TMEM67: variants seen among roughly 807,000 people sequenced by gnomAD.
The protein encoded by TMEM67 is transmembrane protein 67, also known as meckelin.
Under a neutral mutation model 136.6 loss-of-function variants are expected in TMEM67, and 124 were observed. The observed-to-expected ratio is 0.91, with a 90% CI of 0.78 to 1.05. TMEM67 has a LOEUF of 1.05. TMEM67 is among the 50% of genes least tolerant of loss of function. The pLI is 0.00. For synonymous variants in TMEM67, 364 were observed against 390.5 expected (o/e 0.93, Z 0.80); for missense variants, 1,107 against 1,178.4 (o/e 0.94, Z 0.89).
At chr8:93,763,169 A>C (rs1345219095) in intron 3 of TMEM67, 1 of 207,174 alleles carries the variant, frequency 4.8e-6, no homozygotes, top group Non-Finnish European at 1.0e-5. Flanking sequence ...GCCTCATGTG[A>C]TCCACCCACC....
chr8:93,804,546 T>G (rs1815036452), intron 22 of TMEM67, among the ~76,000 whole-genome samples: 1 of 148,394 alleles, frequency 6.7e-6, no homozygotes, highest in South Asian at 2.2e-4. Context: ...GTTTCTCCCT[T>G]TCTTGGAAAA....
In TMEM67 at chr8:93,754,989, C is replaced by G. The variant is rs371462532; in HGVS notation, c.75C>G (p.Phe25Leu). 7 of 1,614,202 alleles carry G rather than the reference C, an allele frequency of 4.3e-6. No homozygotes were observed. In the African/African-American group the frequency reaches 6.7e-5, roughly 15 times the overall value. Residue 25 changes from phenylalanine to leucine, a missense_variant, in exon 1 of 28, where the codon TTC (phenylalanine) becomes TTG (leucine). Around this residue, in one of 3 missense-constraint regions of TMEM67, gnomAD observed 178 missense variants for 159.2 expected, o/e 1.12. Transcript: ENST00000453321. Reference protein sequence around the residue: ...SLLSARAVTAFLLLFLPRFLQ... With the variant: ...SLLSARAVTALLLLFLPRFLQ... Reference sequence around the variant, plus strand: ...TATCCGCCCGGGCCGTGACCGCGTTCCTTCTGTTGTTCCTCCCTCGCTTCT... The same window carrying G: ...TATCCGCCCGGGCCGTGACCGCGTTGCTTCTGTTGTTCCTCCCTCGCTTCT...
chr8:93,789,451 G>C (rs1814269299), intron 14 of TMEM67, among the ~76,000 whole-genome samples: 1 of 151,892 alleles, frequency 6.6e-6, no homozygotes. Context: ...TTTATTTTCA[G>C]CTTGACCAAC....
chr8:93,796,014 ATT>A, intron 18 of TMEM67, 27 bp downstream of exon 18: 1 of 1,436,176 alleles, frequency 7.0e-7, no homozygotes, highest in South Asian at 1.1e-5. Context: ...AGGTTACCAA[ATT>A]TAAAAGGCCT....
At chr8:93,820,873 C>T (rs1809031763), downstream of TMEM67, among the ~76,000 whole-genome samples, 1 of 152,212 alleles carries the variant, frequency 6.6e-6, no homozygotes, top group African/African-American at 2.4e-5. Flanking sequence ...AATAGACAAA[C>T]TGCCTGCCAC....
chr8:93,805,429 A>G (rs888162937), intron 23 of TMEM67, among the ~76,000 whole-genome samples: 7 of 152,146 alleles, frequency 4.6e-5, no homozygotes, highest in African/African-American at 1.7e-4. Flanking sequence ...TAAAAATACA[A>G]AAAAATTAGC....
intron 3 of TMEM67, chr8:93,759,912 G>A: frequency 6.8e-7 from 1 of 1,467,104 alleles, no homozygotes; most frequent in Non-Finnish European, 9.3e-7. Context: ...GCCTCCCAAA[G>A]TGCTGGGATA....
chr8:93,791,217 A>C, intron 14 of TMEM67, 46 bp from the exon 15 acceptor site: 1 of 1,251,584 alleles, frequency 8.0e-7, no homozygotes, highest in Non-Finnish European at 1.2e-6. Context: ...ATAAGTTTGT[A>C]TCATATAATT....
intron 15 of TMEM67, among the ~76,000 whole-genome samples, chr8:93,792,811 C>T (rs1814440874): frequency 2.0e-5 from 3 of 147,346 alleles, no homozygotes; most frequent in Admixed American, 1.4e-4. Flanking sequence ...CACTCTGTCG[C>T]CCAGGCTGGA....
rs763993769 is a variant in TMEM67 at position 93,780,996 on chromosome 8, A to G, written c.978+14A>G. The G allele has an allele frequency of 1.4e-6, 2 of 1,410,188 alleles. No individual in the cohort carries two copies. Among genetic ancestry groups the G allele is most frequent in the African/African-American group, 2.8e-5 (2 of 70,782 alleles). The allele number at this position is 1,410,188 out of a possible 1,614,324, so 87.4% of individuals were successfully genotyped here. On this transcript the variant is annotated intron_variant, in intron 9 of 27. Coordinates refer to ENST00000453321, the MANE Select transcript of TMEM67 (RefSeq NM_153704.6). The stretch of plus-strand genomic sequence containing the variant: ...GGAGAAAACCAGGTAAAAGTGTCTA[A>G]TATCATTAGAGGATAACTACATTTT...
At chr8:93,828,328 C>A in the TMEM67 span, among the ~76,000 whole-genome samples, 1 of 152,182 alleles carries the variant, frequency 6.6e-6, no homozygotes, top group Admixed American at 6.6e-5. Flanking sequence ...CCACCATCAT[C>A]ATCATCACCC....
chr8:93,763,970 T>C (rs754240866), intron 4 of TMEM67, 29 bp downstream of exon 4: 3 of 1,310,046 alleles, frequency 2.3e-6, no homozygotes, highest in Non-Finnish European at 3.3e-6. Context: ...GCTAACTTCA[T>C]TAATATCATC....
intron 22 of TMEM67, among the ~76,000 whole-genome samples, chr8:93,804,041 A>AT (rs112646842): frequency 1.1e-3 from 160 of 145,510 alleles, no homozygotes; most frequent in African/African-American, 2.8e-3. Context: ...TGCTGGGCTA[A>AT]TTTTTTTTTT....
the TMEM67 span, among the ~76,000 whole-genome samples, chr8:93,832,015 C>T: frequency 4.6e-5 from 7 of 152,220 alleles, no homozygotes; most frequent in African/African-American, 1.7e-4. Context: ...TCAGCCAACT[C>T]TCCAGCACAG....
chr8:93,831,732 C>T, the TMEM67 span, among the ~76,000 whole-genome samples: 89 of 152,034 alleles, frequency 5.9e-4, no homozygotes, highest in East Asian at 1.2e-3. Context: ...GTGTGGTGGA[C>T]GTCACAGCAG....
chr8:93,788,950 TCC>T (rs1814245555), intron 14 of TMEM67, among the ~76,000 whole-genome samples: 1 of 152,094 alleles, frequency 6.6e-6, no homozygotes, highest in Non-Finnish European at 1.5e-5. Context: ...AGATAAAGCA[TCC>T]CTGCTTTGAG....
At chr8:93,795,226 G>C in intron 16 of TMEM67, 183 bp from the exon 17 acceptor site, 1 of 636,748 alleles carries the variant, frequency 1.6e-6, no homozygotes, top group Non-Finnish European at 2.8e-6. Flanking sequence ...AGAAAGGTAA[G>C]GAGCCAAAAG....
intron 23 of TMEM67, among the ~76,000 whole-genome samples, chr8:93,806,905 A>G (rs1815175715): frequency 6.6e-6 from 1 of 152,122 alleles, no homozygotes; most frequent in South Asian, 2.1e-4. Context: ...AGCCATTATA[A>G]AAGTGAATTA....
chr8:93,819,768 A>T (rs1328530466), downstream of TMEM67, among the ~76,000 whole-genome samples: 1 of 152,302 alleles, frequency 6.6e-6, no homozygotes, highest in East Asian at 1.9e-4. Flanking sequence ...GGCAGTTTGA[A>T]TCAGAGTACA....
Sources: gnomAD v4.1 joint callset for allele counts (sites outside exome capture counted in the v4.1 genomes callset) on GRCh38, gnomAD v4.1.1 for gene constraint, gnomAD v4.1.1 regional missense constraint, MANE v1.5 for transcripts, NCBI Gene and HGNC (gene_info 2026-07-23, HGNC 2026-07-21) for gene names.